The following EPHB4 variants were observed in gnomAD, a reference collection of about 807,000 sequenced individuals.
The protein encoded by EPHB4 is EPH receptor B4.
A neutral mutation model predicts 110.6 loss-of-function variants in EPHB4; 50 were observed. The observed-to-expected ratio is 0.45, with a 90% confidence interval of 0.36 to 0.57. EPHB4 has a LOEUF of 0.57. Among genes scored for constraint, EPHB4 ranks in the 20% least tolerant of loss-of-function variants. EPHB4 has a pLI of 0.00. For synonymous variants in EPHB4, 592 were observed against 578.4 expected (o/e 1.02, Z -0.34); for missense variants, 1,128 against 1,382.1 (o/e 0.82, Z 2.91).
rs1812735224 is a variant in EPHB4, at chr7:100,803,203, C to T, written c.*258G>A. ...GAGGCTGGGAGATGTTGGGCACTTC[C>T]TTTTCCTCTGGTCACACCCAGTCCT... is the stretch of plus-strand genomic sequence containing the variant. On this transcript the variant is annotated 3_prime_UTR_variant, in exon 17 of 17. Transcript: ENST00000358173. The T allele has an allele frequency of 3.1e-6, 1 of 322,948 alleles. No homozygotes were observed. The highest frequency in any genetic ancestry group is 5.0e-5 in the East Asian group (1 of 20,052). 20.0% of individuals were successfully genotyped at this position (322,948 alleles called of 1,614,324 possible). A position where few individuals can be genotyped will look rare whatever the true frequency, so the allele number is the denominator to read the frequency against.
In EPHB4 at chr7:100,822,752, C is replaced by T. The variant is rs1813269131; in HGVS notation, c.412-85G>A. 4.9e-6 allele frequency: 7 copies of T among 1,432,868 alleles called. No individual in the cohort carries two copies. In the Admixed American group the frequency reaches 8.4e-5, roughly 17 times the overall value. The allele number at this position is 1,432,868 out of a possible 1,614,324, so 88.8% of individuals were successfully genotyped here. A position where few individuals can be genotyped will look rare whatever the true frequency, so the allele number is the denominator to read the frequency against. On this transcript the variant is annotated intron_variant, in intron 3 of 16. Coordinates refer to ENST00000358173, the MANE Select transcript of EPHB4 (RefSeq NM_004444.5). This position sits in a 1 kb window ranked among gnomAD's most constrained non-coding sequence, Gnocchi z 4.7. The stretch of plus-strand genomic sequence containing the variant: ...GTTGTGTTCTTCCCAGCTCACCCTC[C>T]CGGACCTCCTTGGTTCCCGTTCCAG...
intron 12 of EPHB4, 68 bp from the exon 13 acceptor site, chr7:100,807,648 C>CT (rs200946729): frequency 0.041 from 44,061 of 1,069,650 alleles, no homozygotes; most frequent in East Asian, 0.049. Context: ...CCATCCACAT[C>CT]TTTTTTTTTT....
chr7:100,824,276 GAGACAGAC>G lies in EPHB4; in HGVS notation c.53-11_53-4del. 1 of 1,614,024 alleles carries G rather than the reference GAGACAGAC, an allele frequency of 6.2e-7. No homozygotes were observed. Among genetic ancestry groups the G allele is most frequent in the Non-Finnish European group, 8.5e-7 (1 of 1,179,962 alleles). On this transcript the variant is annotated splice_region_variant and splice_polypyrimidine_tract_variant and intron_variant, in intron 1 of 16. Coordinates refer to ENST00000358173, the MANE Select transcript of EPHB4 (RefSeq NM_004444.5). ...CAATTTTGTGTTCAGCAGGGTCTCT[GAGACAGAC>G]AGAGAGACAGAGTCAGTGCCTGGGG...
chr7:100,823,767 C>A lies in EPHB4; in HGVS notation c.288G>T (p.Glu96Asp). The change falls in exon 3 of 17, where the codon GAG (glutamate) becomes GAT (aspartate). Residue 96 changes from glutamate to aspartate, a missense_variant. Physicochemically the swap from Glu to Asp is conservative, Grantham distance 45. Coordinates refer to ENST00000358173, the MANE Select transcript of EPHB4 (RefSeq NM_004444.5). ...VYATLRFTML[E>D]CLSLPRAGRS... ...GCCCAGCCCGAGGCAGGGACAGGCA[C>A]TCGAGCATGGTGAAGCGCAGCGTGG... 9 of 1,613,604 alleles carry A rather than the reference C, an allele frequency of 5.6e-6. No individual in the cohort carries two copies. The highest frequency in any genetic ancestry group is 7.6e-6 in the Non-Finnish European group (9 of 1,179,964).
chr7:100,820,186 C>A lies in EPHB4; in HGVS notation c.919G>T (p.Gly307Trp). ...GGGTCTGTGCGTGCCCGGAAGTACC[C>A]GACGCGGCACTGGCAGACGGCTGAT... ...IGSAVCQCRVGYFRARTDPRG... is the reference protein window; with the variant it reads ...IGSAVCQCRVWYFRARTDPRG... Residue 307 changes from glycine (G) to tryptophan (W), a missense_variant, in exon 5 of 17, where the codon GGG becomes TGG. This residue lies in a region of EPHB4 where 728 missense variants were observed against 828.6 expected (regional missense o/e 0.88). Transcript: ENST00000358173. 2 of 1,614,090 alleles carry A rather than the reference C, an allele frequency of 1.2e-6. No individual in the cohort carries two copies. The highest frequency in any genetic ancestry group is 8.5e-7 in the Non-Finnish European group (1 of 1,180,026).
chr7:100,805,688 T>C lies in EPHB4; in HGVS notation c.2491A>G (p.Asn831Asp). 1.3e-6 allele frequency: 2 copies of C among 1,486,884 alleles called. No individual in the cohort carries two copies. Among genetic ancestry groups the C allele is most frequent in the South Asian group, 1.4e-5 (1 of 69,198 alleles). 92.1% of individuals were successfully genotyped at this position (1,486,884 alleles called of 1,614,324 possible). A position where few individuals can be genotyped will look rare whatever the true frequency, so the allele number is the denominator to read the frequency against. ...AGCCGGTAGTCCTGTTCAATGGCATTGATCACCTGGAAAGAGGGGAAGAAG... is the reference window on the plus strand; with the variant it reads ...AGCCGGTAGTCCTGTTCAATGGCATCGATCACCTGGAAAGAGGGGAAGAAG... ...YWDMSNQDVINAIEQDYRLPP... is the reference protein window; with the variant it reads ...YWDMSNQDVIDAIEQDYRLPP... Residue 831 changes from asparagine (N) to aspartate (D), a missense_variant, in exon 15 of 17, where the codon AAT (asparagine) becomes GAT (aspartate). Around this residue, in one of 3 missense-constraint regions of EPHB4, gnomAD observed 209 missense variants for 240.5 expected, o/e 0.87. Transcript: ENST00000358173.
rs201467689 is a variant in EPHB4, at chr7:100,819,776, G to A, written c.1078C>T (p.Arg360Cys). 23 of 1,585,928 alleles carry A rather than the reference G, an allele frequency of 1.5e-5. No individual in the cohort carries two copies. The East Asian group carries it at 1.6e-4, about 11-fold the overall frequency. Residue 360 changes from arginine to cysteine, a missense_variant, in exon 6 of 17, where the codon CGC (arginine) becomes TGC (cysteine). Arg to Cys is a radical substitution (Grantham distance 180). This residue lies in a region of EPHB4 where 728 missense variants were observed against 828.6 expected (regional missense o/e 0.88). Coordinates refer to ENST00000358173, the MANE Select transcript of EPHB4 (RefSeq NM_004444.5). ...GGREDLTYAL[R>C]CRECRPGGSC... ...CCTCCGGGTCGGCACTCCCGGCAGC[G>A]GAGGGCGTAGGTGAGGTCCTCTCGG...
chr7:100,820,224 G>C lies in EPHB4; in HGVS notation c.881C>G (p.Ser294Cys), dbSNP rs759058404. Residue 294 changes from serine (S) to cysteine (C), a missense_variant, in exon 5 of 17, where the codon TCT (serine) becomes TGT (cysteine). Coordinates refer to ENST00000358173, the MANE Select transcript of EPHB4 (RefSeq NM_004444.5). ...GCAGACGGCTGATCCAATGGTGTTA[G>C]AGTGGCTATTGGCTGGGCATGGCTG... ...SCQPCPANSHSNTIGSAVCQC... is the reference protein window; with the variant it reads ...SCQPCPANSHCNTIGSAVCQC... The C allele has an allele frequency of 5.6e-6, 9 of 1,614,040 alleles. No homozygotes were observed. In the Admixed American group the frequency reaches 1.3e-4, roughly 24 times the overall value.
chr7:100,820,123 T>C lies in EPHB4; in HGVS notation c.964+18A>G. 1 of 1,612,032 alleles carries C rather than the reference T, an allele frequency of 6.2e-7. No individual in the cohort carries two copies. The highest frequency in any genetic ancestry group is 8.5e-7 in the Non-Finnish European group (1 of 1,179,112). On this transcript the variant is annotated intron_variant, in intron 5 of 16. Coordinates refer to ENST00000358173, the MANE Select transcript of EPHB4 (RefSeq NM_004444.5). Reference sequence around the variant, plus strand: ...TGACCCCTCCCCAGTGAACTGCACCTGGGTGCTGGTCACTTACTGGTGCAG... The same window carrying C: ...TGACCCCTCCCCAGTGAACTGCACCCGGGTGCTGGTCACTTACTGGTGCAG...
chr7:100,827,055 C>A lies in EPHB4; in HGVS notation c.-25G>T. On this transcript the variant is annotated 5_prime_UTR_variant, in exon 1 of 17. Transcript: ENST00000358173. Reference sequence around the variant, plus strand: ...TGGCGCCGCCTCACTCGGGTAGGATCCGAACTGAGTTTGGGGGGCCCTCGC... The same window carrying A: ...TGGCGCCGCCTCACTCGGGTAGGATACGAACTGAGTTTGGGGGGCCCTCGC... 1.9e-6 allele frequency: 3 copies of A among 1,568,998 alleles called. No individual in the cohort carries two copies. Among genetic ancestry groups the A allele is most frequent in the Non-Finnish European group, 1.7e-6 (2 of 1,157,338 alleles).
In EPHB4 at chr7:100,811,969, C is replaced by T. The variant is rs371280156; in HGVS notation, c.2118+778G>A. Reference sequence around the variant, plus strand: ...GGCGGATCACCTGAGGTCGGGAGTTCGAGACCAGCCTGACCAACACAGAGA... The same window carrying T: ...GGCGGATCACCTGAGGTCGGGAGTTTGAGACCAGCCTGACCAACACAGAGA... On this transcript the variant is annotated intron_variant, in intron 12 of 16. Coordinates refer to ENST00000358173, the MANE Select transcript of EPHB4 (RefSeq NM_004444.5). 1.4e-4 allele frequency among the ~76,000 whole-genome samples: 21 copies of T among 150,538 alleles called. No homozygotes were observed. The South Asian group carries it at 1.5e-3, about 11-fold the overall frequency.
intron 12 of EPHB4, among the ~76,000 whole-genome samples, chr7:100,808,094 T>C (rs535450771): frequency 5.1e-4 from 78 of 152,370 alleles, no homozygotes; most frequent in African/African-American, 1.9e-3. Context: ...CAATGGTTCC[T>C]GCTTCAATGG....
At position 100,817,365 on chromosome 7, in the gene EPHB4, G is replaced by C. The variant is rs773808403; in HGVS notation, c.1423-8C>G. The C allele has an allele frequency of 6.4e-7, 1 of 1,555,848 alleles. No homozygotes were observed. Among genetic ancestry groups the C allele is most frequent in the Admixed American group, 1.9e-5 (1 of 51,558 alleles). On this transcript the variant is annotated splice_polypyrimidine_tract_variant and splice_region_variant and intron_variant, in intron 7 of 16. Coordinates refer to ENST00000358173, the MANE Select transcript of EPHB4 (RefSeq NM_004444.5). Reference sequence around the variant, plus strand: ...GCTGGGACCCTCGGCGCCCTGTCCGGGAGAGGTAGTGGGGTGGCCGTCACC... The same window carrying C: ...GCTGGGACCCTCGGCGCCCTGTCCGCGAGAGGTAGTGGGGTGGCCGTCACC...
chr7:100,814,661 T>C (rs1345650728), intron 8 of EPHB4, among the ~76,000 whole-genome samples: 1 of 152,176 alleles, frequency 6.6e-6, no homozygotes, highest in Non-Finnish European at 1.5e-5. Flanking sequence ...CACCAAAAGA[T>C]ACAATAAAAA....
intron 12 of EPHB4, among the ~76,000 whole-genome samples, chr7:100,811,938 G>A (rs956579404): frequency 2.0e-5 from 3 of 151,746 alleles, no homozygotes; most frequent in South Asian, 4.2e-4. Context: ...TTGGGAGGCC[G>A]AGGCAGGCGG....
chr7:100,804,010 GGA>G (rs1323170125), intron 16 of EPHB4, among the ~76,000 whole-genome samples: 2 of 152,292 alleles, frequency 1.3e-5, no homozygotes, highest in East Asian at 3.9e-4. Context: ...GGGAAAAAAG[GGA>G]GAGGAGGCCC....
At chr7:100,805,382 G>A in intron 15 of EPHB4, 61 bp from the exon 16 acceptor site, 1 of 1,606,498 alleles carries the variant, frequency 6.2e-7, no homozygotes, top group South Asian at 1.1e-5. Context: ...GGAGGAGGTG[G>A]AACCCAGCCT....
chr7:100,826,827 C>A (rs959977891), intron 1 of EPHB4, 152 bp downstream of exon 1: 5 of 764,342 alleles, frequency 6.5e-6, no homozygotes, highest in Admixed American at 3.5e-5. Flanking sequence ...TCCCCGCCCC[C>A]CTCCCGTTCC....
chr7:100,817,420 G>T, intron 7 of EPHB4, 63 bp from the exon 8 acceptor site: 4 of 1,476,448 alleles, frequency 2.7e-6, no homozygotes, highest in Non-Finnish European at 3.6e-6. Flanking sequence ...TGCTCTTCCT[G>T]CCTCCTTCCC....
Sources: gnomAD v4.1 joint callset for allele counts (sites outside exome capture counted in the v4.1 genomes callset) on GRCh38, gnomAD v4.1.1 for gene constraint, gnomAD v4.1.1 regional missense constraint, Gnocchi (gnomAD v3.1) non-coding constraint, MANE v1.5 for transcripts, NCBI Gene and HGNC (gene_info 2026-07-23, HGNC 2026-07-21) for gene names.